Variants in KCNU1 observed in about 807,000 individuals in gnomAD.
KCNU1 encodes potassium calcium-activated channel subfamily U member 1.
A neutral mutation model predicts 126.8 loss-of-function variants in KCNU1; 93 were observed. That is an observed-to-expected ratio of 0.73 (90% CI 0.62 to 0.87). The LOEUF (loss-of-function observed/expected upper bound fraction) is 0.87. Among genes scored for constraint, KCNU1 ranks in the 40% least tolerant of loss-of-function variants. The pLI is 0.00. For missense variants in KCNU1, 1,330 were observed against 1,367.1 expected, an observed-to-expected ratio of 0.97 and a Z score of 0.43; for synonymous variants, 523 against 494.2, an observed-to-expected ratio of 1.06 and a Z score of -0.77.
In KCNU1 at chr8:36,932,916, C is replaced by G. The variant is rs751294872; in HGVS notation, c.2932-4C>G. ...AGACATATTTTTGTCTCTTCTCTCC[C>G]CAGCCAAGAAACACCTTTGGACAAC... On this transcript the variant is annotated splice_polypyrimidine_tract_variant and splice_region_variant and intron_variant, in intron 25 of 26. Coordinates refer to ENST00000399881, the MANE Select transcript of KCNU1 (RefSeq NM_001031836.3). 160 of 1,537,826 alleles carry G rather than the reference C, an allele frequency of 1.0e-4. No individual in the cohort carries two copies. The highest frequency in any genetic ancestry group is 1.4e-4 in the Non-Finnish European group (155 of 1,130,396).
chr8:36,928,700 T>C (rs1022821066), intron 24 of KCNU1, among the ~76,000 whole-genome samples: 2 of 152,170 alleles, frequency 1.3e-5, no homozygotes, highest in Non-Finnish European at 2.9e-5. Flanking sequence ...TCCATTGAAG[T>C]CAATATTCTT....
intron 8 of KCNU1, 25 bp from the exon 9 acceptor site, chr8:36,815,571 G>T (rs777180167): frequency 1.6e-6 from 2 of 1,251,024 alleles, no homozygotes; most frequent in South Asian, 2.6e-5. Flanking sequence ...GAGAACTAAG[G>T]TTTTATTTTG....
At chr8:36,928,123 C>T (rs1403395697) in intron 24 of KCNU1, among the ~76,000 whole-genome samples, 1 of 151,976 alleles carries the variant, frequency 6.6e-6, no homozygotes, top group Non-Finnish European at 1.5e-5. Flanking sequence ...AGGAGATGAG[C>T]TCACAGAACA....
intron 22 of KCNU1, among the ~76,000 whole-genome samples, chr8:36,917,767 C>A (rs1284420878): frequency 2.6e-5 from 4 of 152,190 alleles, no homozygotes; most frequent in Non-Finnish European, 5.9e-5. Flanking sequence ...CAGGCCAGTG[C>A]TGTGCATGCC....
At chr8:36,932,795 A>T in intron 25 of KCNU1, 125 bp from the exon 26 acceptor site, 2 of 635,162 alleles carry the variant, frequency 3.1e-6, no homozygotes, top group South Asian at 3.8e-5. Context: ...GTGCCACCAC[A>T]AAGATATTAG....
At chr8:36,882,097 C>T (rs542629938) in intron 19 of KCNU1, among the ~76,000 whole-genome samples, 1 of 152,308 alleles carries the variant, frequency 6.6e-6, no homozygotes, top group African/African-American at 2.4e-5. Flanking sequence ...TTCTCTCTTA[C>T]CACACCTCTT....
At chr8:36,826,134 T>C (rs1286333081) in intron 10 of KCNU1, among the ~76,000 whole-genome samples, 1 of 151,762 alleles carries the variant, frequency 6.6e-6, no homozygotes, top group Non-Finnish European at 1.5e-5. Flanking sequence ...TAATTACAGG[T>C]TAACTCTGCT....
intron 19 of KCNU1, among the ~76,000 whole-genome samples, chr8:36,874,210 C>T (rs894310609): frequency 2.6e-5 from 4 of 152,114 alleles, no homozygotes; most frequent in East Asian, 1.9e-4. Flanking sequence ...CTCTTCAAAG[C>T]CCCAGGAAAA....
intron 6 of KCNU1, among the ~76,000 whole-genome samples, chr8:36,807,729 CAAAAA>C (rs754633781): frequency 2.7e-5 from 3 of 110,620 alleles, no homozygotes; most frequent in Non-Finnish European, 3.9e-5. Flanking sequence ...GTCCCTCCAC[CAAAAA>C]AAAAAAAAAA....
At chr8:36,852,182 C>A (rs915733407) in intron 18 of KCNU1, among the ~76,000 whole-genome samples, 1 of 151,860 alleles carries the variant, frequency 6.6e-6, no homozygotes, top group East Asian at 1.9e-4. Flanking sequence ...TAATTGATAT[C>A]CAAATGTTAA....
chr8:36,861,435 T>G (rs1187785244), intron 18 of KCNU1, among the ~76,000 whole-genome samples: 2 of 152,182 alleles, frequency 1.3e-5, no homozygotes, highest in East Asian at 1.9e-4. Flanking sequence ...TCCATGATGT[T>G]TTTCTTAGCT....
intron 11 of KCNU1, among the ~76,000 whole-genome samples, chr8:36,834,470 G>A (rs903562783): frequency 1.3e-5 from 2 of 152,058 alleles, no homozygotes; most frequent in Non-Finnish European, 1.5e-5. Context: ...AAGGCCTTAG[G>A]GCTTATCACT....
chr8:36,877,196 A>T (rs1304793746), intron 19 of KCNU1, among the ~76,000 whole-genome samples: 1 of 152,134 alleles, frequency 6.6e-6, no homozygotes, highest in African/African-American at 2.4e-5. Flanking sequence ...AAGGATTCAT[A>T]GAATCAAGTG....
At chr8:36,930,639 C>A (rs1002712012) in intron 24 of KCNU1, among the ~76,000 whole-genome samples, 2 of 151,838 alleles carry the variant, frequency 1.3e-5, no homozygotes, top group African/African-American at 2.4e-5. Flanking sequence ...ACATGTATAC[C>A]CCCTCTGGTC....
intron 10 of KCNU1, among the ~76,000 whole-genome samples, chr8:36,829,669 G>A (rs913914430): frequency 2.0e-5 from 3 of 150,848 alleles, no homozygotes; most frequent in Non-Finnish European, 4.4e-5. Context: ...ATGAAAAACT[G>A]CAGAAATTTA....
At chr8:36,933,250 T>G (rs527581733) in intron 26 of KCNU1, among the ~76,000 whole-genome samples, 1 of 152,184 alleles carries the variant, frequency 6.6e-6, no homozygotes, top group African/African-American at 2.4e-5. Context: ...ATAAGAAGAA[T>G]GGAGTCTCTG....
At chr8:36,914,202 G>A (rs1329526543) in intron 22 of KCNU1, among the ~76,000 whole-genome samples, 2 of 152,112 alleles carry the variant, frequency 1.3e-5, no homozygotes, top group Non-Finnish European at 2.9e-5. Context: ...TCCACAATCA[G>A]CACTAAAATA....
At chr8:36,805,100 A>G (rs1235543110) in intron 3 of KCNU1, 95 bp from the exon 4 acceptor site, 12 of 779,464 alleles carry the variant, frequency 1.5e-5, no homozygotes, top group Non-Finnish European at 4.2e-6. Context: ...TGGTGAATAA[A>G]GAAAAATTTT....
intron 22 of KCNU1, among the ~76,000 whole-genome samples, chr8:36,917,837 G>A (rs1808176887): frequency 6.6e-6 from 1 of 152,110 alleles, no homozygotes; most frequent in African/African-American, 2.4e-5. Flanking sequence ...AAGACAGGAG[G>A]GAAATGTGTC....
Sources: allele counts gnomAD v4.1 joint callset (sites outside exome capture counted in the v4.1 genomes callset), GRCh38; gene constraint gnomAD v4.1.1; transcripts MANE v1.5; gene names NCBI Gene and HGNC (gene_info 2026-07-23, HGNC 2026-07-21).